Variants in SAXO2 observed in about 807,000 individuals in gnomAD.
The protein encoded by SAXO2 is stabilizer of axonemal microtubules 2.
In SAXO2, 17 loss-of-function variants were observed where a neutral mutation model predicts 18.7. The observed-to-expected ratio is 0.91, with a 90% CI of 0.62 to 1.36. The LOEUF is 1.36. Ranked by LOEUF, SAXO2 falls within the 40% of genes most tolerant of loss-of-function variation. The pLI, the probability that SAXO2 is intolerant of heterozygous loss-of-function variation, is 0.00. For missense variants in SAXO2, 486 were observed against 562.6 expected (o/e 0.86, Z 1.38); for synonymous variants, 163 against 181.2 (o/e 0.90, Z 0.81).
At chr15:82,270,799 G>T (rs932224395) in intron 2 of SAXO2, among the ~76,000 whole-genome samples, 2 of 152,112 alleles carry the variant, frequency 1.3e-5, no homozygotes, top group African/African-American at 4.8e-5. Flanking sequence ...AGATATTATT[G>T]TTCCATTTTA....
chr15:82,267,646 T>C (rs2075232196), intron 2 of SAXO2, among the ~76,000 whole-genome samples: 1 of 152,232 alleles, frequency 6.6e-6, no homozygotes, highest in South Asian at 2.1e-4. Flanking sequence ...CATTCTTATA[T>C]AGCAAAGGTG....
In SAXO2 at chr15:82,271,595, T is replaced by C. The variant is rs746248859; in HGVS notation, c.234-8T>C. On this transcript the variant is annotated splice_polypyrimidine_tract_variant and splice_region_variant and intron_variant, in intron 2 of 3. Coordinates refer to ENST00000682753, the MANE Select transcript of SAXO2 (RefSeq NM_001348699.2). ...TGTGAGGCTATGTTTCAAATTTATA[T>C]ATTTCAGGTCGGATTATTGTCCTTA... is the stretch of plus-strand genomic sequence containing the variant. 24 of 1,591,136 alleles carry C rather than the reference T, an allele frequency of 1.5e-5. No individual in the cohort carries two copies. Among genetic ancestry groups the C allele is most frequent in the South Asian group, 2.3e-5 (2 of 86,210 alleles).
intron 2 of SAXO2, among the ~76,000 whole-genome samples, chr15:82,268,151 T>C (rs1215602841): frequency 6.6e-6 from 1 of 152,218 alleles, no homozygotes; most frequent in Non-Finnish European, 1.5e-5. Flanking sequence ...GTTGTTCTTT[T>C]TTCTTCACTT....
chr15:82,271,833 A>T (rs1299080795), intron 3 of SAXO2, 31 bp downstream of exon 3: 3 of 1,566,692 alleles, frequency 1.9e-6, no homozygotes, highest in Middle Eastern at 1.7e-4. Context: ...TGAAGGAGCC[A>T]AAAAACTAAA....
intron 3 of SAXO2, 96 bp downstream of exon 3, chr15:82,271,898 A>G (rs889904497): frequency 1.9e-6 from 2 of 1,051,204 alleles, no homozygotes; most frequent in Non-Finnish European, 2.8e-6. Flanking sequence ...TGTGCTGCCA[A>G]ACTTAGCCTC....
In SAXO2 at chr15:82,265,574, A is replaced by G. The variant is rs2075208886; in HGVS notation, c.59A>G (p.His20Arg). 1.5e-6 allele frequency: 2 copies of G among 1,342,534 alleles called. No homozygotes were observed. The highest frequency in any genetic ancestry group is 3.5e-5 in the Admixed American group (1 of 28,216). 83.2% of individuals were successfully genotyped at this position (1,342,534 alleles called of 1,614,324 possible). A position where few individuals can be genotyped will look rare whatever the true frequency, so the allele number is the denominator to read the frequency against. The change falls in exon 2 of 4, where the codon CAT (histidine) becomes CGT (arginine). Residue 20 changes from histidine (H) to arginine (R), a missense_variant. His to Arg is a conservative substitution (Grantham distance 29). Coordinates refer to ENST00000682753, the MANE Select transcript of SAXO2 (RefSeq NM_001348699.2). ...TCAGTTTATTTTTTGCACAGGCGACATCATTGTCCACGTGGAACCACAAGG... is the reference window on the plus strand; with the variant it reads ...TCAGTTTATTTTTTGCACAGGCGACGTCATTGTCCACGTGGAACCACAAGG... ...CLCQICSCGR[H>R]HCPRGTTRIY...
intron 3 of SAXO2, among the ~76,000 whole-genome samples, chr15:82,272,523 GT>G (rs1180169306): frequency 6.6e-6 from 1 of 152,076 alleles, no homozygotes; most frequent in Non-Finnish European, 1.5e-5. Context: ...CCAAAAACCT[GT>G]TTTTTTGTTG....
Position 82,284,380 on chromosome 15 carries a change from T to G in SAXO2, c.*1318T>G, listed in dbSNP as rs1260178711. 3 of 152,050 alleles carry G rather than the reference T, an allele frequency of 2.0e-5. No individual in the cohort carries two copies. Among genetic ancestry groups the G allele is most frequent in the African/African-American group, 7.2e-5 (3 of 41,394 alleles). The allele number at this position is 152,050 out of a possible 1,614,324, so 9.4% of individuals were successfully genotyped here. A position where few individuals can be genotyped will look rare whatever the true frequency, so the allele number is the denominator to read the frequency against. On this transcript the variant is annotated 3_prime_UTR_variant, in exon 4 of 4. Transcript: ENST00000682753. ...GCTTGGAATGGGGTAAATACAGTGG[T>G]TTGAATAACAGTATTTGCAGAAAGG...
chr15:82,266,881 T>A (rs2075223493), intron 2 of SAXO2, among the ~76,000 whole-genome samples: 1 of 152,228 alleles, frequency 6.6e-6, no homozygotes, highest in Non-Finnish European at 1.5e-5. Flanking sequence ...GTACCCAATA[T>A]TTGTTCAGTG....
chr15:82,274,701 CA>C (rs1167527496), intron 3 of SAXO2, among the ~76,000 whole-genome samples: 8,592 of 78,926 alleles, frequency 0.11, 210 homozygotes, highest in Middle Eastern at 0.16. Context: ...GACTCTGTCT[CA>C]AAAAAAAAAA....
intron 3 of SAXO2, among the ~76,000 whole-genome samples, chr15:82,272,551 G>T (rs544281389): frequency 6.6e-6 from 1 of 151,894 alleles, no homozygotes; most frequent in Admixed American, 6.6e-5. Flanking sequence ...TTGTTTTTGG[G>T]TTTTTTTTGT....
chr15:82,266,114 C>T (rs2075215283), intron 2 of SAXO2, among the ~76,000 whole-genome samples: 1 of 151,242 alleles, frequency 6.6e-6, no homozygotes, highest in Non-Finnish European at 1.5e-5. Flanking sequence ...AATACAATAA[C>T]ACCAACCATA....
At chr15:82,275,281 CAAAAA>C (rs756023248) in intron 3 of SAXO2, among the ~76,000 whole-genome samples, 13 of 45,906 alleles carry the variant, frequency 2.8e-4, no homozygotes, top group African/African-American at 7.2e-4. Context: ...ACCTATCAAC[CAAAAA>C]AAAAAAAAAA....
At chr15:82,267,682 A>G (rs1392466074) in intron 2 of SAXO2, among the ~76,000 whole-genome samples, 1 of 152,198 alleles carries the variant, frequency 6.6e-6, no homozygotes, top group Non-Finnish European at 1.5e-5. Flanking sequence ...TTAGTCTAAT[A>G]TTTATATTTT....
intron 2 of SAXO2, among the ~76,000 whole-genome samples, chr15:82,267,243 T>G (rs1306880280): frequency 6.6e-6 from 1 of 152,150 alleles, no homozygotes; most frequent in Non-Finnish European, 1.5e-5. Context: ...AGTCAACATA[T>G]ATGTAAGATG....
At chr15:82,278,828 CAAAAG>C (rs2075338400) in intron 3 of SAXO2, among the ~76,000 whole-genome samples, 1 of 151,760 alleles carries the variant, frequency 6.6e-6, no homozygotes, top group Non-Finnish European at 1.5e-5. Flanking sequence ...GCAAAAGTAA[CAAAAG>C]AAATTAGAAA....
In SAXO2 at chr15:82,271,755, A is replaced by T. The variant is rs1050430313; in HGVS notation, c.386A>T (p.Glu129Val). 1 of 1,614,116 alleles carries T rather than the reference A, an allele frequency of 6.2e-7. No homozygotes were observed. Reference protein sequence around the residue: ...VQPVAIVRPLERQVKKGKLDT... With the variant: ...VQPVAIVRPLVRQVKKGKLDT... ...CCTGTGGCAATAGTCCGGCCTTTGGAGAGACAAGTTAAAAAAGGAAAATTG... is the reference window on the plus strand; with the variant it reads ...CCTGTGGCAATAGTCCGGCCTTTGGTGAGACAAGTTAAAAAAGGAAAATTG... The change falls in exon 3 of 4, where the codon GAG (glutamate) becomes GTG (valine). Residue 129 changes from glutamate (E) to valine (V), a missense_variant. Transcript: ENST00000682753.
intron 3 of SAXO2, among the ~76,000 whole-genome samples, chr15:82,280,560 G>C (rs1294840391): frequency 6.6e-6 from 1 of 152,088 alleles, no homozygotes; most frequent in Non-Finnish European, 1.5e-5. Flanking sequence ...GGTGCCCAGG[G>C]AGCTTGAAGG....
At position 82,283,170 on chromosome 15, in the gene SAXO2, A is replaced by AT; in HGVS notation, c.*113dup. 1.7e-5 allele frequency: 12 copies of AT among 726,958 alleles called. No homozygotes were observed. Among genetic ancestry groups the AT allele is most frequent in the Non-Finnish European group, 2.3e-5 (12 of 511,126 alleles). The allele number at this position is 726,958 out of a possible 1,614,324, so 45.0% of individuals were successfully genotyped here. ...TATGATATAATAAATCATTTTTTAT[A>AT]TTTTTAAACAAGAAAATTGGAAAAT... is the stretch of plus-strand genomic sequence containing the variant. On this transcript the variant is annotated 3_prime_UTR_variant, in exon 4 of 4. Transcript: ENST00000682753.
Sources: allele counts gnomAD v4.1 joint callset (sites outside exome capture counted in the v4.1 genomes callset), GRCh38; gene constraint gnomAD v4.1.1; transcripts MANE v1.5; gene names NCBI Gene and HGNC (gene_info 2026-07-23, HGNC 2026-07-21).